TOP2A: variants seen among roughly 807,000 people sequenced by gnomAD.
The protein encoded by TOP2A is DNA topoisomerase 2-alpha.
A neutral mutation model predicts 187.2 loss-of-function variants in TOP2A; 68 were observed. The ratio of observed to expected loss-of-function variants is 0.36; its 90% CI spans 0.30 to 0.44. The LOEUF is 0.44. Among genes scored for constraint, TOP2A ranks in the 20% least tolerant of loss-of-function variants. The pLI is 1.00. For missense variants in TOP2A, 1,196 were observed against 1,808.7 expected, an observed-to-expected ratio of 0.66 and a Z score of 6.14; for synonymous variants, 542 against 593.2, an observed-to-expected ratio of 0.91 and a Z score of 1.25.
intron 33 of TOP2A, 144 bp downstream of exon 33, chr17:40,391,362 A>G (rs1244142559): frequency 1.2e-6 from 1 of 808,400 alleles, no homozygotes; most frequent in Non-Finnish European, 1.9e-6. Flanking sequence ...TTGATTATAA[A>G]GATCGAAAAG....
intron 27 of TOP2A, among the ~76,000 whole-genome samples, chr17:40,397,898 C>G (rs1030449722): frequency 3.6e-4 from 55 of 151,528 alleles, no homozygotes; most frequent in African/African-American, 1.3e-3. Context: ...CCTGCCTCAG[C>G]CTCCCAAGTA....
intron 22 of TOP2A, 59 bp downstream of exon 22, chr17:40,400,470 T>C (rs891300013): frequency 1.0e-5 from 16 of 1,602,414 alleles, no homozygotes; most frequent in Non-Finnish European, 1.3e-5. Context: ...TCAACAGCAA[T>C]AGTACAAAAG....
Position 40,411,480 on chromosome 17 carries a change from T to G in TOP2A, c.964-25A>C, listed in dbSNP as rs746452061. The G allele has an allele frequency of 6.3e-7, 1 of 1,598,984 alleles. No individual in the cohort carries two copies. Among genetic ancestry groups the G allele is most frequent in the African/African-American group, 1.3e-5 (1 of 74,580 alleles). On this transcript the variant is annotated intron_variant, in intron 8 of 34. Transcript: ENST00000423485. The surrounding 1 kb of genome is among the most constrained non-coding windows in gnomAD (Gnocchi z 4.4). ...CCTAATAAGGAAAAATACCAAACTG[T>G]AAAACTCAGTATCCTCAAAATTATA... is the stretch of plus-strand genomic sequence containing the variant.
intron 27 of TOP2A, 120 bp from the exon 28 acceptor site, chr17:40,396,585 C>T (rs1205759774): frequency 7.9e-7 from 1 of 1,257,960 alleles, no homozygotes; most frequent in South Asian, 1.5e-5. Flanking sequence ...ATAAATTGCT[C>T]CATAACCTAG....
chr17:40,408,036 C>G lies in TOP2A; in HGVS notation c.1431G>C (p.Gly477=). The G allele has an allele frequency of 6.2e-7, 1 of 1,613,700 alleles. No homozygotes were observed. Among genetic ancestry groups the G allele is most frequent in the East Asian group, 2.2e-5 (1 of 44,850 alleles). The change falls in exon 12 of 35, where the codon GGG becomes GGC. Residue 477 remains glycine (G), a synonymous_variant. Transcript: ENST00000423485. ...TLAVSGLGVV[G]RDKYGVFPLR... is the part of the protein sequence containing the mutation. ...GAGGGAAAACCCCATATTTGTCTCT[C>G]CCAACCACACCAAGGCCTGAAACAG...
chr17:40,404,620 T>A (rs1037889255), intron 17 of TOP2A, 129 bp from the exon 18 acceptor site: 144 of 709,960 alleles, frequency 2.0e-4, no homozygotes, highest in Non-Finnish European at 1.8e-4. Context: ...TATTGAATAA[T>A]ACAGAAATAT....
chr17:40,392,285 C>T lies in TOP2A; in HGVS notation c.4021G>A (p.Glu1341Lys), dbSNP rs1048245925. 1 of 1,609,476 alleles carries T rather than the reference C, an allele frequency of 6.2e-7. No individual in the cohort carries two copies. The highest frequency in any genetic ancestry group is 8.5e-7 in the Non-Finnish European group (1 of 1,177,556). The part of the protein sequence containing the change: ...DSDEDFSDFD[E>K]KTDDEDFVPS... The stretch of plus-strand genomic sequence containing the variant: ...ACAAAATCTTCATCATCAGTTTTTT[C>T]ATCAAAATCTGAGAAATCTTCATCT... Residue 1341 changes from glutamate to lysine, a missense_variant, in exon 31 of 35, where the codon GAA (glutamate) becomes AAA (lysine). Around this residue, in one of 10 missense-constraint regions of TOP2A, gnomAD observed 374 missense variants for 403.3 expected, o/e 0.93. Coordinates refer to ENST00000423485, the MANE Select transcript of TOP2A (RefSeq NM_001067.4).
chr17:40,407,051 G>A (rs2035256501), intron 13 of TOP2A, 109 bp from the exon 14 acceptor site: 1 of 804,074 alleles, frequency 1.2e-6, no homozygotes. Context: ...ATCGCCTGAG[G>A]TCAGGCGTTC....
rs771532428 is a variant in TOP2A at position 40,392,301 on chromosome 17, ATCT to A, written c.4002_4004del (p.Glu1334del). On this transcript the variant is annotated inframe_deletion, in exon 31 of 35. Transcript: ENST00000423485. ...CAGTTTTTTCATCAAAATCTGAGAA[ATCT>A]TCATCTGAATCCAAATCCATTGTGA... 8.7e-6 allele frequency: 14 copies of A among 1,604,660 alleles called. No individual in the cohort carries two copies. The African/African-American group carries it at 1.3e-4, about 15-fold the overall frequency.
chr17:40,398,080 G>A (rs1391055056), intron 27 of TOP2A, among the ~76,000 whole-genome samples: 2 of 139,850 alleles, frequency 1.4e-5, no homozygotes, highest in Non-Finnish European at 3.1e-5. Flanking sequence ...ACCCGGCCTT[G>A]TATTCTAAGT....
Position 40,412,552 on chromosome 17 carries a change from G to C in TOP2A, c.789+207C>G, listed in dbSNP as rs1426887009. Among the ~76,000 whole-genome samples, 3 of 152,326 alleles carry C rather than the reference G, an allele frequency of 2.0e-5. No homozygotes were observed. In the South Asian group the frequency reaches 6.2e-4, roughly 32 times the overall value. On this transcript the variant is annotated intron_variant, in intron 7 of 34. Coordinates refer to ENST00000423485, the MANE Select transcript of TOP2A (RefSeq NM_001067.4). ...CCAGCTACTTGGGAGGCTGAGGCAG[G>C]AGAATTGCGTGAACCTGGGAGGTGG...
intron 27 of TOP2A, among the ~76,000 whole-genome samples, chr17:40,398,172 G>A (rs998058440): frequency 6.9e-6 from 1 of 144,776 alleles, no homozygotes; most frequent in Non-Finnish European, 1.5e-5. Flanking sequence ...GGAGTGCAGT[G>A]GTGTGATCTC....
chr17:40,402,134 G>A (rs2035190311), intron 20 of TOP2A, among the ~76,000 whole-genome samples: 1 of 152,162 alleles, frequency 6.6e-6, no homozygotes, highest in Admixed American at 6.5e-5. Context: ...ATCAAGCAAA[G>A]GAGTCAAGGG....
At chr17:40,391,465 G>T (rs1188474193) in intron 33 of TOP2A, 41 bp downstream of exon 33, 3 of 1,572,250 alleles carry the variant, frequency 1.9e-6, no homozygotes, top group Non-Finnish European at 2.6e-6. Context: ...AAACCAGTTA[G>T]GTAATTGCAA....
intron 16 of TOP2A, among the ~76,000 whole-genome samples, chr17:40,405,625 TTTA>T (rs1299538181): frequency 6.6e-6 from 1 of 151,724 alleles, no homozygotes; most frequent in Admixed American, 6.6e-5. Context: ...CGGCTAATTT[TTTA>T]TTTTTTATTT....
At chr17:40,412,716 T>C in intron 7 of TOP2A, 43 bp downstream of exon 7, 5 of 1,524,870 alleles carry the variant, frequency 3.3e-6, no homozygotes, top group Non-Finnish European at 4.5e-6. Context: ...TGACAATGAT[T>C]ACAAAATCCC....
intron 22 of TOP2A, 44 bp downstream of exon 22, chr17:40,400,485 T>G (rs1317326633): frequency 6.2e-7 from 1 of 1,601,210 alleles, no homozygotes; most frequent in East Asian, 2.2e-5. Flanking sequence ...CAAAAGGTAT[T>G]TCTTTTGATC....
At chr17:40,417,452 G>T in intron 1 of TOP2A, 1 of 990,550 alleles carries the variant, frequency 1.0e-6, no homozygotes, top group Non-Finnish European at 1.4e-6. Context: ...GGCAGGAGGG[G>T]AAAGCATCTG....
In TOP2A at chr17:40,401,065, A is replaced by C. The variant is rs566785220; in HGVS notation, c.2449T>G (p.Leu817Val). ...FTMLSSLARL[L>V]FPPKDDHTLK... ...GTGTGATCATCTTTTGGTGGAAATA[A>C]CAATCGAGCCAAAGAGCTAAAGAAA... The change falls in exon 21 of 35, where the codon TTA (leucine) becomes GTA (valine). Residue 817 changes from leucine (L) to valine (V), a missense_variant. Around this residue, in one of 10 missense-constraint regions of TOP2A, gnomAD observed 209 missense variants for 376.9 expected, o/e 0.55. Coordinates refer to ENST00000423485, the MANE Select transcript of TOP2A (RefSeq NM_001067.4). The C allele has an allele frequency of 2.6e-4, 422 of 1,613,376 alleles. 5 individuals are homozygous for C. The South Asian group carries it at 3.6e-3, about 14-fold the overall frequency.
Sources: allele counts gnomAD v4.1 joint callset (sites outside exome capture counted in the v4.1 genomes callset), GRCh38; gene constraint gnomAD v4.1.1; regional missense constraint gnomAD v4.1.1; non-coding constraint Gnocchi (gnomAD v3.1); transcripts MANE v1.5; gene names NCBI Gene and HGNC (gene_info 2026-07-23, HGNC 2026-07-21).